Variants in CACNA1A observed in about 807,000 individuals in gnomAD.
The protein encoded by CACNA1A is calcium voltage-gated channel subunit alpha1 A.
Under a neutral mutation model 262.4 loss-of-function variants are expected in CACNA1A, and 57 were observed. The observed-to-expected ratio is 0.22, with a 90% CI of 0.18 to 0.27. The LOEUF is 0.27. Ranked by LOEUF, CACNA1A falls within the 10% of genes least tolerant of loss-of-function variation. The pLI is 1.00. For missense variants in CACNA1A, 2,526 were observed against 3,562.8 expected, an observed-to-expected ratio of 0.71 and a Z score of 7.41; for synonymous variants, 1,431 against 1,419.3, an observed-to-expected ratio of 1.01 and a Z score of -0.18.
intron 19 of CACNA1A, among the ~76,000 whole-genome samples, chr19:13,292,172 C>T (rs1377941466): frequency 6.6e-6 from 1 of 152,156 alleles, no homozygotes; most frequent in East Asian, 1.9e-4. Flanking sequence ...GGCCACTGGG[C>T]TCGGCCACCT....
rs775562753 is a variant in CACNA1A at position 13,506,011 on chromosome 19, G to A, written c.214C>T (p.Leu72Phe). ...YNPIPVRQNC[L>F]TVNRSLFLFS... ...AGGAAGAGAGACCGGTTAACCGTGA[G>A]GCAGTTCTGTCGGACGGGGATGGGG... is the stretch of plus-strand genomic sequence containing the variant. The change falls in exon 1 of 47, where the codon CTC becomes TTC. Residue 72 changes from leucine to phenylalanine, a missense_variant. By Grantham distance (22) the Leu-to-Phe change is conservative (BLOSUM62 0). Coordinates refer to ENST00000360228, the MANE Select transcript of CACNA1A (RefSeq NM_001127222.2). 2.5e-6 allele frequency: 4 copies of A among 1,613,874 alleles called. No individual in the cohort carries two copies. Among genetic ancestry groups the A allele is most frequent in the Middle Eastern group, 1.6e-4 (1 of 6,082 alleles).
chr19:13,228,833 G>C, intron 36 of CACNA1A: 1 of 1,208,014 alleles, frequency 8.3e-7, no homozygotes, highest in Non-Finnish European at 1.2e-6. Flanking sequence ...CAGGCAATGG[G>C]TTCACACGGG....
chr19:13,208,879 A>ATGGTGG lies in CACNA1A; in HGVS notation c.6651_6656dup (p.His2218_His2219dup), dbSNP rs759331923. ...AGCGGTCCTTGTCGGGGGGCGGGGGATGGTGGTGGTGGTGGTGGTGGTGGT... is the reference window on the plus strand; with the variant it reads ...AGCGGTCCTTGTCGGGGGGCGGGGGATGGTGGTGGTGGTGGTGGTGGTGGTGGTGGT... On this transcript the variant is annotated inframe_insertion, in exon 46 of 47. Coordinates refer to ENST00000360228, the MANE Select transcript of CACNA1A (RefSeq NM_001127222.2). 209 of 1,454,076 alleles carry ATGGTGG rather than the reference A, an allele frequency of 1.4e-4. 1 individual carries two copies. The highest frequency in any genetic ancestry group is 1.6e-4 in the Non-Finnish European group (178 of 1,081,310). The allele number at this position is 1,454,076 out of a possible 1,614,324, so 90.1% of individuals were successfully genotyped here. A position where few individuals can be genotyped will look rare whatever the true frequency, so the allele number is the denominator to read the frequency against.
chr19:13,435,673 G>T (rs1345969396), intron 3 of CACNA1A, among the ~76,000 whole-genome samples: 1 of 152,172 alleles, frequency 6.6e-6, no homozygotes, highest in Non-Finnish European at 1.5e-5. Context: ...GGTACAAATT[G>T]TGGATGAATG....
At chr19:13,211,007 C>T (rs1195782994) in intron 43 of CACNA1A, 1 of 299,330 alleles carries the variant, frequency 3.3e-6, no homozygotes, top group Non-Finnish European at 6.4e-6. Context: ...ACCCCAACCC[C>T]TGGCTCCGGC....
chr19:13,485,997 G>C (rs1223958710), intron 1 of CACNA1A, among the ~76,000 whole-genome samples: 1 of 152,110 alleles, frequency 6.6e-6, no homozygotes. Context: ...TCATGAAGGA[G>C]CTGCAGTGAC....
intron 2 of CACNA1A, among the ~76,000 whole-genome samples, chr19:13,454,113 C>T (rs908524363): frequency 1.3e-5 from 2 of 151,602 alleles, no homozygotes; most frequent in Admixed American, 6.6e-5. Flanking sequence ...GGTTGGTCAC[C>T]GGGAAAACCA....
At chr19:13,487,066 G>GGC (rs1980098397) in intron 1 of CACNA1A, among the ~76,000 whole-genome samples, 1 of 152,166 alleles carries the variant, frequency 6.6e-6, no homozygotes, top group African/African-American at 2.4e-5. Flanking sequence ...GCCTGCCCAG[G>GGC]GCGCCTCATC....
intron 38 of CACNA1A, among the ~76,000 whole-genome samples, chr19:13,217,739 T>C (rs756430993): frequency 1.3e-5 from 2 of 152,078 alleles, no homozygotes; most frequent in Non-Finnish European, 2.9e-5. Context: ...GTAGGTGTCA[T>C]AGAAGCTGGG....
chr19:13,299,473 A>C, intron 18 of CACNA1A, 120 bp from the exon 19 acceptor site: 1 of 808,404 alleles, frequency 1.2e-6, no homozygotes, highest in Non-Finnish European at 2.1e-6. Context: ...TCTACTCCCC[A>C]CTGAATGCTA....
In CACNA1A at chr19:13,300,537, TA is replaced by T. The variant is rs764839773; in HGVS notation, c.2279+12del. ...GGAGCCAGGGTAGCATCCCAGGGATTAGGGGCACTTACACAGCTATAGACAT... is the reference window on the plus strand; with the variant it reads ...GGAGCCAGGGTAGCATCCCAGGGATTGGGGCACTTACACAGCTATAGACAT... On this transcript the variant is annotated intron_variant, in intron 18 of 46. Coordinates refer to ENST00000360228, the MANE Select transcript of CACNA1A (RefSeq NM_001127222.2). 7.6e-6 allele frequency: 12 copies of T among 1,575,316 alleles called. No individual in the cohort carries two copies. In the African/African-American group the frequency reaches 1.6e-4, roughly 21 times the overall value.
intron 15 of CACNA1A, 26 bp from the exon 16 acceptor site, chr19:13,303,910 G>A: frequency 6.6e-7 from 1 of 1,515,178 alleles, no homozygotes. Context: ...GAAACACACA[G>A]CCAACCCCCC....
intron 3 of CACNA1A, among the ~76,000 whole-genome samples, chr19:13,448,728 G>A (rs1458892368): frequency 6.6e-6 from 1 of 152,178 alleles, no homozygotes. Flanking sequence ...TTGGGAGAAA[G>A]CAGGGACACT....
In CACNA1A at chr19:13,308,663, G is replaced by A. The variant is rs2057956541; in HGVS notation, c.1669-135C>T. On this transcript the variant is annotated intron_variant, in intron 12 of 46. Coordinates refer to ENST00000360228, the MANE Select transcript of CACNA1A (RefSeq NM_001127222.2). This position sits in a 1 kb window ranked among gnomAD's most constrained non-coding sequence, Gnocchi z 4.2. ...AAATGGAAGCCGGGTGAGGATCCTT[G>A]ACCCCCTCATTCATCCATTCATTTA... 1 of 593,546 alleles carries A rather than the reference G, an allele frequency of 1.7e-6. No homozygotes were observed. Among genetic ancestry groups the A allele is most frequent in the East Asian group, 2.8e-5 (1 of 35,464 alleles). The allele number at this position is 593,546 out of a possible 1,614,324, so 36.8% of individuals were successfully genotyped here.
intron 1 of CACNA1A, among the ~76,000 whole-genome samples, chr19:13,484,925 A>G (rs1979794496): frequency 6.6e-6 from 1 of 152,228 alleles, no homozygotes; most frequent in South Asian, 2.1e-4. Context: ...AACATTTTAA[A>G]TTATAAGTAG....
intron 6 of CACNA1A, among the ~76,000 whole-genome samples, chr19:13,345,237 T>C (rs2058742997): frequency 1.3e-5 from 2 of 152,092 alleles, no homozygotes; most frequent in South Asian, 4.1e-4. Flanking sequence ...CTGTGCCTGG[T>C]GGATGGAGAA....
At chr19:13,232,163 T>TTC (rs753960873) in intron 34 of CACNA1A, among the ~76,000 whole-genome samples, 1 of 151,966 alleles carries the variant, frequency 6.6e-6, no homozygotes, top group African/African-American at 2.4e-5. Context: ...TTTCTTTTCC[T>TTC]TCTCTCTCTC....
At chr19:13,462,192 C>A (rs1326017418) in intron 1 of CACNA1A, among the ~76,000 whole-genome samples, 1 of 152,222 alleles carries the variant, frequency 6.6e-6, no homozygotes, top group Non-Finnish European at 1.5e-5. Context: ...ACCCTCATCT[C>A]ATTTCAAGCC....
chr19:13,426,805 C>A (rs191222633), intron 3 of CACNA1A, among the ~76,000 whole-genome samples: 11 of 152,284 alleles, frequency 7.2e-5, no homozygotes, highest in Non-Finnish European at 1.5e-5. Context: ...TTGGCATCCA[C>A]CTAACTCAAG....
Sources: gnomAD v4.1 joint callset for allele counts (sites outside exome capture counted in the v4.1 genomes callset) on GRCh38, gnomAD v4.1.1 for gene constraint, Gnocchi (gnomAD v3.1) non-coding constraint, MANE v1.5 for transcripts, NCBI Gene and HGNC (gene_info 2026-07-23, HGNC 2026-07-21) for gene names.